HYDIN: variants seen among roughly 807,000 people sequenced by gnomAD.
HYDIN encodes the protein HYDIN axonemal central pair apparatus protein.
HYDIN carries 132 observed loss-of-function variants against 403.9 expected under a neutral mutation model. The observed-to-expected ratio is 0.33, with a 90% CI of 0.28 to 0.38. HYDIN has a LOEUF of 0.38. HYDIN is among the 10% of genes least tolerant of loss of function. The pLI, the probability that HYDIN is intolerant of heterozygous loss-of-function variation, is 1.00. For synonymous variants in HYDIN, 1,202 were observed against 1,891.7 expected (o/e 0.64, Z 9.46); for missense variants, 2,827 against 5,009.5 (o/e 0.56, Z 13.15).
At chr16:71,117,606 A>T (rs1012006314) in intron 9 of HYDIN, among the ~76,000 whole-genome samples, 2 of 152,056 alleles carry the variant, frequency 1.3e-5, no homozygotes, top group African/African-American at 4.8e-5. Flanking sequence ...TAAACGATCA[A>T]CACATCCAGA....
At chr16:70,885,479 G>C (rs557517564) in intron 58 of HYDIN, among the ~76,000 whole-genome samples, 7 of 151,950 alleles carry the variant, frequency 4.6e-5, no homozygotes, top group Admixed American at 2.0e-4. Flanking sequence ...AAAGGAGCAA[G>C]GTCATAGTGA....
At chr16:70,849,032 G>C (rs979805016) in intron 75 of HYDIN, among the ~76,000 whole-genome samples, 2 of 152,080 alleles carry the variant, frequency 1.3e-5, no homozygotes, top group African/African-American at 2.4e-5. Flanking sequence ...TCCCTATGAG[G>C]GGGGGTTCCA....
intron 32 of HYDIN, 31 bp downstream of exon 32, chr16:70,974,503 C>G: frequency 6.3e-7 from 1 of 1,588,906 alleles, no homozygotes; most frequent in Non-Finnish European, 8.6e-7. Context: ...TGACCAAGTG[C>G]AATAGGAAAG....
rs376601468 is a variant in HYDIN at position 70,920,853 on chromosome 16, C to A, written c.7523G>T (p.Arg2508Leu). ...RQVPLGGRRGRKDRERERLEK... is the reference protein window; with the variant it reads ...RQVPLGGRRGLKDRERERLEK... ...CAGGCGCTCTCTCTCCCGGTCCTTG[C>A]GGCCCCTGCGCCCACCCAAGGGGAC... The change falls in exon 46 of 86, where the codon CGC becomes CTC. Residue 2508 changes from arginine to leucine, a missense_variant. By Grantham distance (102) the Arg-to-Leu change is moderately radical. Coordinates refer to ENST00000393567, the MANE Select transcript of HYDIN (RefSeq NM_001270974.2). 1 of 1,593,756 alleles carries A rather than the reference C, an allele frequency of 6.3e-7. No homozygotes were observed. The highest frequency in any genetic ancestry group is 1.3e-5 in the African/African-American group (1 of 74,656).
chr16:71,064,873 C>A lies in HYDIN; in HGVS notation c.2076-33G>T, dbSNP rs1309231686. 4 of 1,600,936 alleles carry A rather than the reference C, an allele frequency of 2.5e-6. No individual in the cohort carries two copies. The African/African-American group carries it at 4.0e-5, about 16-fold the overall frequency. ...GAGGAGCCCATCACACAATTCAAAA[C>A]AGAGAGCTTGTTTACATACAGAAAA... On this transcript the variant is annotated intron_variant, in intron 15 of 85. Transcript: ENST00000393567.
intron 23 of HYDIN, among the ~76,000 whole-genome samples, chr16:71,014,074 A>G (rs150223310): frequency 0.047 from 7,165 of 151,396 alleles, 573 homozygotes; most frequent in African/African-American, 0.16. Context: ...TGAGGGGACA[A>G]GAGGAGAATC....
intron 20 of HYDIN, among the ~76,000 whole-genome samples, chr16:71,026,788 A>C (rs573316179): frequency 6.6e-6 from 1 of 152,368 alleles, no homozygotes; most frequent in East Asian, 1.9e-4. Context: ...AAGCTAAGCA[A>C]GGGACTAGCT....
intron 22 of HYDIN, among the ~76,000 whole-genome samples, chr16:71,019,396 T>C (rs1568002187): frequency 6.6e-6 from 1 of 152,284 alleles, no homozygotes; most frequent in African/African-American, 2.4e-5. Flanking sequence ...ATGGTTTCGG[T>C]TGATAAAGCC....
At chr16:71,163,949 T>C (rs2086118378) in intron 5 of HYDIN, among the ~76,000 whole-genome samples, 1 of 151,324 alleles carries the variant, frequency 6.6e-6, no homozygotes, top group Non-Finnish European at 1.5e-5. Flanking sequence ...CAAATAAAAA[T>C]GCTGAGGCCC....
chr16:71,196,187 A>G (rs2087691197), intron 1 of HYDIN, among the ~76,000 whole-genome samples: 1 of 152,220 alleles, frequency 6.6e-6, no homozygotes, highest in African/African-American at 2.4e-5. Context: ...AGGCAATTTT[A>G]TGTGTCAACT....
intron 53 of HYDIN, among the ~76,000 whole-genome samples, chr16:70,898,751 T>C (rs1373703360): frequency 1.3e-5 from 2 of 151,808 alleles, no homozygotes; most frequent in Middle Eastern, 3.2e-3. Context: ...TCAAGTATTT[T>C]TTTTTTTTTT....
intron 35 of HYDIN, among the ~76,000 whole-genome samples, chr16:70,971,392 G>A (rs2078728507): frequency 6.6e-6 from 1 of 152,210 alleles, no homozygotes; most frequent in African/African-American, 2.4e-5. Flanking sequence ...CTACTCACAT[G>A]TTTTCTCAAA....
chr16:70,819,579 T>C (rs1461368498), intron 83 of HYDIN, among the ~76,000 whole-genome samples: 3 of 146,184 alleles, frequency 2.1e-5, no homozygotes, highest in Non-Finnish European at 4.5e-5. Flanking sequence ...ACGGACTTCT[T>C]GTGCTGCTCA....
chr16:71,157,862 A>C (rs1039843828), intron 6 of HYDIN, among the ~76,000 whole-genome samples: 1 of 143,674 alleles, frequency 7.0e-6, no homozygotes, highest in African/African-American at 2.6e-5. Flanking sequence ...AAGCAAAAGG[A>C]GAGGAGGAAG....
chr16:71,133,856 A>C (rs2084808880), intron 8 of HYDIN, among the ~76,000 whole-genome samples: 2 of 151,752 alleles, frequency 1.3e-5, no homozygotes, highest in Non-Finnish European at 2.9e-5. Flanking sequence ...AAACATCAAA[A>C]GAAAGAAATA....
intron 18 of HYDIN, among the ~76,000 whole-genome samples, chr16:71,033,205 G>C (rs2080975380): frequency 1.3e-5 from 2 of 152,226 alleles, no homozygotes; most frequent in South Asian, 2.1e-4. Flanking sequence ...AAGGAGGCCA[G>C]AGTGAAACTA....
chr16:70,870,455 G>A (rs568625537), intron 65 of HYDIN, among the ~76,000 whole-genome samples: 9 of 152,010 alleles, frequency 5.9e-5, no homozygotes, highest in Non-Finnish European at 5.9e-5. Flanking sequence ...GCCTAAGGAT[G>A]TAGAGCTCTG....
At position 70,845,692 on chromosome 16, in the gene HYDIN, A is replaced by G. The variant is rs1261021958; in HGVS notation, c.12873+4034T>C. On this transcript the variant is annotated intron_variant, in intron 75 of 85. Coordinates refer to ENST00000393567, the MANE Select transcript of HYDIN (RefSeq NM_001270974.2). The stretch of plus-strand genomic sequence containing the variant: ...GTCCTGGACTCTTTTTGGTTGGTAA[A>G]CTATTGTTTATTGCCACAATTTCAG... Among the ~76,000 whole-genome samples the G allele has an allele frequency of 2.9e-5, 4 of 136,238 alleles. 1 individual carries two copies. The highest frequency in any genetic ancestry group is 4.3e-4 in the South Asian group (2 of 4,606). The allele number at this position is 136,238 out of a possible 152,430, so 89.4% of individuals were successfully genotyped here.
rs1222719045 is a variant in HYDIN at position 70,957,364 on chromosome 16, T to C, written c.6143-1816A>G. On this transcript the variant is annotated intron_variant, in intron 39 of 85. Transcript: ENST00000393567. The stretch of plus-strand genomic sequence containing the variant: ...TTTTTTGAGATGGAGTCTCGCCCTG[T>C]AGCCCAGGCTGGAGTGCAATGGCAC... Among the ~76,000 whole-genome samples the C allele has an allele frequency of 3.3e-5, 5 of 149,990 alleles. No individual in the cohort carries two copies. The East Asian group carries it at 7.8e-4, about 23-fold the overall frequency.
Sources: gnomAD v4.1 joint callset for allele counts (sites outside exome capture counted in the v4.1 genomes callset) on GRCh38, gnomAD v4.1.1 for gene constraint, MANE v1.5 for transcripts, NCBI Gene and HGNC (gene_info 2026-07-23, HGNC 2026-07-21) for gene names.